The following CCNP variants were observed in gnomAD, a reference collection of about 807,000 sequenced individuals.
CCNP encodes cyclin P.
A neutral mutation model predicts 19.6 loss-of-function variants in CCNP; 18 were observed. That is an observed-to-expected ratio of 0.92 (90% confidence interval 0.64 to 1.36). CCNP has a LOEUF of 1.36. CCNP is among the 40% of genes most tolerant of loss of function. The probability of loss-of-function intolerance (pLI) is 0.00; values close to 1 mark genes in which losing one functional copy is unlikely to be tolerated. For missense variants in CCNP, 440 were observed against 424.4 expected (o/e 1.04, Z -0.32); for synonymous variants, 228 against 194.9 (o/e 1.17, Z -1.41).
chr19:40,223,391 G>C lies in CCNP; in HGVS notation c.669C>G (p.Pro223=). Reference sequence around the variant, plus strand: ...CCGCGTATTCACAAGGGCTCACCTGGGGGCTGCTCCCTGCCAGCGCGGCCA... The same window carrying C: ...CCGCGTATTCACAAGGGCTCACCTGCGGGCTGCTCCCTGCCAGCGCGGCCA... ...GLLAALAGSS[P]QVMLLATYFL... Residue 223 remains proline (P), a synonymous_variant, in exon 4 of 5, where the codon CCC becomes CCG. Coordinates refer to ENST00000430325, the MANE Select transcript of CCNP (RefSeq NM_024877.4). The C allele has an allele frequency of 1.9e-6, 3 of 1,546,610 alleles. No individual in the cohort carries two copies. In the South Asian group the frequency reaches 3.6e-5, roughly 18 times the overall value.
Position 40,224,776 on chromosome 19 carries a change from G to T in CCNP, c.303C>A (p.Arg101=). The T allele has an allele frequency of 6.4e-7, 1 of 1,556,622 alleles. No homozygotes were observed. Among genetic ancestry groups the T allele is most frequent in the Non-Finnish European group, 8.7e-7 (1 of 1,149,924 alleles). ...CRVLPLRALP[R]AVTPEMRALV... ...GGGCGCGCATCTCCGGGGTCACAGC[G>T]CGGGGCAGGGCTCTCAGGGGCAGCA... Residue 101 remains arginine, a synonymous_variant, in exon 2 of 5, where the codon CGC becomes CGA. Transcript: ENST00000430325.
At position 40,222,268 on chromosome 19, in the gene CCNP, T is replaced by G; in HGVS notation, c.*784A>C. ...ACGGACACACACTGGGAGGGTTTTG[T>G]TTTTTGTTGTTGATTTTTTTGTGAC... is the stretch of plus-strand genomic sequence containing the variant. On this transcript the variant is annotated 3_prime_UTR_variant, in exon 5 of 5. Transcript: ENST00000430325. 1 of 398,722 alleles carries G rather than the reference T, an allele frequency of 2.5e-6. No homozygotes were observed. The highest frequency in any genetic ancestry group is 4.4e-6 in the Non-Finnish European group (1 of 225,938). 24.7% of individuals were successfully genotyped at this position (398,722 alleles called of 1,614,324 possible).
intron 3 of CCNP, 47 bp downstream of exon 3, chr19:40,224,441 T>C: frequency 1.3e-6 from 2 of 1,596,466 alleles, no homozygotes; most frequent in Non-Finnish European, 1.7e-6. Context: ...AATCAGTTAC[T>C]CCCCAAAGGA....
chr19:40,226,519 G>T lies in CCNP; in HGVS notation c.123C>A (p.Ser41Arg), dbSNP rs34717888. 2 of 1,594,620 alleles carry T rather than the reference G, an allele frequency of 1.3e-6. No homozygotes were observed. Among genetic ancestry groups the T allele is most frequent in the African/African-American group, 1.3e-5 (1 of 74,492 alleles). ...LAASLDAEPS[S>R]AAVPDGFPAG... ...CGGGGAAGCCGTCGGGGACTGCGGC[G>T]CTTGAAGGCTCTGCGTCGAGGGAGG... Residue 41 changes from serine (S) to arginine (R), a missense_variant, in exon 1 of 5, where the codon AGC (serine) becomes AGA (arginine). Coordinates refer to ENST00000430325, the MANE Select transcript of CCNP (RefSeq NM_024877.4).
At chr19:40,226,313 G>A (rs1973537824) in intron 1 of CCNP, 62 bp downstream of exon 1, 2 of 1,470,746 alleles carry the variant, frequency 1.4e-6, no homozygotes, top group South Asian at 1.2e-5. Context: ...GAGTGGTGTT[G>A]AGTGGGTGCC....
At position 40,226,665 on chromosome 19, in the gene CCNP, A is replaced by T. The variant is rs1232210293; in HGVS notation, c.-24T>A. 1 of 1,540,334 alleles carries T rather than the reference A, an allele frequency of 6.5e-7. No individual in the cohort carries two copies. The highest frequency in any genetic ancestry group is 2.1e-5 in the Admixed American group (1 of 47,376). ...ATCCTCCAGGAGGGTGTTGCGGGCG[A>T]GGCCAAGCACCGACCCTTGCAGCTA... On this transcript the variant is annotated 5_prime_UTR_variant, in exon 1 of 5. Transcript: ENST00000430325.
In CCNP at chr19:40,224,571, G is replaced by C. The variant is rs541317042; in HGVS notation, c.430C>G (p.Arg144Gly). 3 of 1,614,180 alleles carry C rather than the reference G, an allele frequency of 1.9e-6. No individual in the cohort carries two copies. Among genetic ancestry groups the C allele is most frequent in the Admixed American group, 1.7e-5 (1 of 60,024 alleles). ...HLLDSYLSAG[R>G]VRLHRLQLLG... ...AGCTGCAGGCGATGTAGACGCACGC[G>C]GCCAGCGCTCAGGTAGGAATCAAGC... Residue 144 changes from arginine (R) to glycine (G), a missense_variant, in exon 3 of 5, where the codon CGC becomes GGC. Arg to Gly is a moderately radical substitution (Grantham distance 125). Coordinates refer to ENST00000430325, the MANE Select transcript of CCNP (RefSeq NM_024877.4).
chr19:40,223,191 A>G lies in CCNP; in HGVS notation c.785T>C (p.Leu262Pro). 1 of 1,550,956 alleles carries G rather than the reference A, an allele frequency of 6.4e-7. No homozygotes were observed. Among genetic ancestry groups the G allele is most frequent in the Non-Finnish European group, 8.7e-7 (1 of 1,146,874 alleles). Residue 262 changes from leucine to proline, a missense_variant, in exon 5 of 5, where the codon CTC becomes CCC. Leu to Pro is a moderately conservative substitution (Grantham distance 98). Transcript: ENST00000430325. ...CTGGAGCCTGGAGCCCGCCCCGTCG[A>G]GCAAGCGGTGCGCCAGGCTCAGAGC... ...AAALSLAHRLLDGAGSRLQPE... is the reference protein window; with the variant it reads ...AAALSLAHRLPDGAGSRLQPE...
Position 40,222,336 on chromosome 19 carries a change from G to A in CCNP, c.*716C>T. The A allele has an allele frequency of 2.5e-6, 1 of 399,074 alleles. No individual in the cohort carries two copies. Among genetic ancestry groups the A allele is most frequent in the Non-Finnish European group, 4.4e-6 (1 of 226,078 alleles). 24.7% of individuals were successfully genotyped at this position (399,074 alleles called of 1,614,324 possible). On this transcript the variant is annotated 3_prime_UTR_variant, in exon 5 of 5. Transcript: ENST00000430325. ...GGAGGCTCAGACTGGAGGCGGCGGA[G>A]CAGGCAGGCGGCGGCAAGGCTGGTC...
In CCNP at chr19:40,222,272, T is replaced by A; in HGVS notation, c.*780A>T. 1 of 398,754 alleles carries A rather than the reference T, an allele frequency of 2.5e-6. No homozygotes were observed. Among genetic ancestry groups the A allele is most frequent in the East Asian group, 3.6e-5 (1 of 28,062 alleles). The allele number at this position is 398,754 out of a possible 1,614,324, so 24.7% of individuals were successfully genotyped here. ...ACACACACTGGGAGGGTTTTGTTTTTTGTTGTTGATTTTTTTGTGACTGAG... is the reference window on the plus strand; with the variant it reads ...ACACACACTGGGAGGGTTTTGTTTTATGTTGTTGATTTTTTTGTGACTGAG... On this transcript the variant is annotated 3_prime_UTR_variant, in exon 5 of 5. Transcript: ENST00000430325.
At chr19:40,224,144 A>G (rs1973501754) in intron 3 of CCNP, among the ~76,000 whole-genome samples, 4 of 151,968 alleles carry the variant, frequency 2.6e-5, no homozygotes, top group Admixed American at 6.6e-5. Context: ...TAGTAGAGAC[A>G]GGGTTTCACC....
rs1241249006 is a variant in CCNP at position 40,222,457 on chromosome 19, G to A, written c.*595C>T. 4 of 398,634 alleles carry A rather than the reference G, an allele frequency of 1.0e-5. No individual in the cohort carries two copies. Among genetic ancestry groups the A allele is most frequent in the South Asian group, 1.3e-4 (1 of 7,896 alleles). The allele number at this position is 398,634 out of a possible 1,614,324, so 24.7% of individuals were successfully genotyped here. A position where few individuals can be genotyped will look rare whatever the true frequency, so the allele number is the denominator to read the frequency against. ...CGCGGGCCATGCACGGCTCGAGGGT[G>A]CCCAGTTCCTCGGGGCTGCAGCAGG... On this transcript the variant is annotated 3_prime_UTR_variant, in exon 5 of 5. Coordinates refer to ENST00000430325, the MANE Select transcript of CCNP (RefSeq NM_024877.4).
At chr19:40,223,877 C>T (rs150219281) in intron 3 of CCNP, among the ~76,000 whole-genome samples, 5 of 152,022 alleles carry the variant, frequency 3.3e-5, no homozygotes, top group Non-Finnish European at 5.9e-5. Flanking sequence ...TGCATGTTGA[C>T]GGTAACTATT....
intron 1 of CCNP, chr19:40,225,075 T>G (rs1414945636): frequency 3.9e-6 from 2 of 517,166 alleles, no homozygotes; most frequent in East Asian, 6.5e-5. Flanking sequence ...TTTTTTTTTT[T>G]TTTTGAGACA....
At chr19:40,223,340 C>A in intron 4 of CCNP, 37 bp from the exon 5 acceptor site, 1 of 1,492,648 alleles carries the variant, frequency 6.7e-7, no homozygotes. Context: ...GGCCACGCCC[C>A]ACTTCGCGCC....
Position 40,223,084 on chromosome 19 carries a change from A to C in CCNP, c.892T>G (p.Leu298Val). The C allele has an allele frequency of 6.5e-7, 1 of 1,548,736 alleles. No individual in the cohort carries two copies. Among genetic ancestry groups the C allele is most frequent in the Non-Finnish European group, 8.7e-7 (1 of 1,145,000 alleles). Residue 298 changes from leucine (L) to valine (V), a missense_variant, in exon 5 of 5, where the codon TTA becomes GTA. Physicochemically the swap from Leu to Val is conservative, Grantham distance 32. Coordinates refer to ENST00000430325, the MANE Select transcript of CCNP (RefSeq NM_024877.4). ...SFRDLPSWSF[L>V]RSRRMRDNY ...TTGTCTCTCATTCTCCGAGACCGTA[A>C]AAATGACCAGGAAGGTAAGTCCCTG...
chr19:40,224,877 C>G lies in CCNP; in HGVS notation c.268-66G>C, dbSNP rs187775912. On this transcript the variant is annotated intron_variant, in intron 1 of 4. Coordinates refer to ENST00000430325, the MANE Select transcript of CCNP (RefSeq NM_024877.4). ...CCTCTGCCTTTCTCCTGAGCTCCAG[C>G]CCTGGATGCAGCAGCCTCCTCCAGT... 3.9e-3 allele frequency: 5,511 copies of G among 1,395,846 alleles called. 11 individuals carry two copies. Among genetic ancestry groups the G allele is most frequent in the Non-Finnish European group, 4.7e-3 (4,803 of 1,024,950 alleles). 86.5% of individuals were successfully genotyped at this position (1,395,846 alleles called of 1,614,324 possible).
rs1387848742 is a variant in CCNP, at chr19:40,223,403, T to C, written c.657A>G (p.Ala219=). 17 of 1,568,800 alleles carry C rather than the reference T, an allele frequency of 1.1e-5. No individual in the cohort carries two copies. Among genetic ancestry groups the C allele is most frequent in the Non-Finnish European group, 1.4e-5 (16 of 1,158,686 alleles). Residue 219 remains alanine (A), a synonymous_variant, in exon 4 of 5, where the codon GCA becomes GCG. Coordinates refer to ENST00000430325, the MANE Select transcript of CCNP (RefSeq NM_024877.4). ...AAGGGCTCACCTGGGGGCTGCTCCCTGCCAGCGCGGCCAGCAGCCCGAGGC... is the reference window on the plus strand; with the variant it reads ...AAGGGCTCACCTGGGGGCTGCTCCCCGCCAGCGCGGCCAGCAGCCCGAGGC... The part of the protein sequence containing the change: ...LLCLGLLAAL[A]GSSPQVMLLA...
rs145536621 is a variant in CCNP at position 40,223,098 on chromosome 19, G to A, written c.878C>T (p.Pro293Leu). The A allele has an allele frequency of 1.3e-6, 2 of 1,550,362 alleles. No individual in the cohort carries two copies. The highest frequency in any genetic ancestry group is 3.9e-5 in the Admixed American group (2 of 50,880). Residue 293 changes from proline to leucine, a missense_variant, in exon 5 of 5, where the codon CCT becomes CTT. By Grantham distance (98) the Pro-to-Leu change is moderately conservative. Transcript: ENST00000430325. The part of the protein sequence containing the change: ...VWGHRSFRDL[P>L]SWSFLRSRRM... ...CCGAGACCGTAAAAATGACCAGGAA[G>A]GTAAGTCCCTGAAGCTGCGGTGACC...
Sources: allele counts gnomAD v4.1 joint callset (sites outside exome capture counted in the v4.1 genomes callset), GRCh38; gene constraint gnomAD v4.1.1; transcripts MANE v1.5; gene names NCBI Gene and HGNC (gene_info 2026-07-23, HGNC 2026-07-21).